PTPRK: variants seen among roughly 807,000 people sequenced by gnomAD.
PTPRK encodes protein tyrosine phosphatase receptor type K.
In PTPRK, 75 loss-of-function variants were observed where a neutral mutation model predicts 178.0. That is an observed-to-expected ratio of 0.42 (90% CI 0.35 to 0.51). The LOEUF is 0.51. Among genes scored for constraint, PTPRK ranks in the 20% least tolerant of loss-of-function variants. The pLI is 0.02. For missense variants in PTPRK, 1,441 were observed against 1,797.8 expected (o/e 0.80, Z 3.59); for synonymous variants, 637 against 620.6 (o/e 1.03, Z -0.39).
At chr6:128,201,548 T>A (rs1235701625) in intron 6 of PTPRK, among the ~76,000 whole-genome samples, 2 of 152,146 alleles carry the variant, frequency 1.3e-5, no homozygotes, top group African/African-American at 4.8e-5. Flanking sequence ...TGTTCCTGTA[T>A]TGAGAATCTA....
At chr6:128,351,578 C>A (rs534649539) in intron 2 of PTPRK, among the ~76,000 whole-genome samples, 39 of 152,198 alleles carry the variant, frequency 2.6e-4, no homozygotes, top group Non-Finnish European at 4.9e-4. Flanking sequence ...TTAAAATGTA[C>A]CCCAGAGTTT....
intron 3 of PTPRK, among the ~76,000 whole-genome samples, chr6:128,314,196 TTTTTAAA>T (rs1827672176): frequency 6.6e-6 from 1 of 152,186 alleles, no homozygotes; most frequent in South Asian, 2.1e-4. Flanking sequence ...GCTTTCATAT[TTTTTAAA>T]TTTTAATTAT....
At chr6:128,514,544 G>A (rs1857666234) in intron 1 of PTPRK, among the ~76,000 whole-genome samples, 1 of 152,166 alleles carries the variant, frequency 6.6e-6, no homozygotes, top group South Asian at 2.1e-4. Flanking sequence ...ACACCTGTTG[G>A]AGGATTCAGC....
chr6:128,416,046 TAC>T (rs2128382667), intron 1 of PTPRK, among the ~76,000 whole-genome samples: 1 of 152,150 alleles, frequency 6.6e-6, no homozygotes, highest in East Asian at 1.9e-4. Context: ...ATCTGGGGAA[TAC>T]AGAGATGAAA....
intron 7 of PTPRK, among the ~76,000 whole-genome samples, chr6:128,171,398 G>T (rs1471043903): frequency 6.6e-6 from 1 of 151,962 alleles, no homozygotes; most frequent in Non-Finnish European, 1.5e-5. Context: ...TTAACAGTAG[G>T]TAGTAATGGA....
At chr6:128,134,071 G>A (rs1794661477) in intron 7 of PTPRK, among the ~76,000 whole-genome samples, 1 of 151,942 alleles carries the variant, frequency 6.6e-6, no homozygotes, top group East Asian at 1.9e-4. Context: ...TACTATTATT[G>A]CAATATCAAA....
At chr6:128,464,642 T>TAC (rs1434720523) in intron 1 of PTPRK, among the ~76,000 whole-genome samples, 108 of 74,922 alleles carry the variant, frequency 1.4e-3, no homozygotes, top group Admixed American at 3.3e-3. Context: ...TATACACATA[T>TAC]ATATATATAT....
intron 1 of PTPRK, among the ~76,000 whole-genome samples, chr6:128,483,022 A>G (rs935856709): frequency 6.6e-6 from 1 of 152,186 alleles, no homozygotes; most frequent in Non-Finnish European, 1.5e-5. Context: ...TCTTAATAAA[A>G]TAAAATTATA....
chr6:128,216,912 A>G (rs968825337), intron 6 of PTPRK, among the ~76,000 whole-genome samples: 10 of 152,198 alleles, frequency 6.6e-5, no homozygotes, highest in Non-Finnish European at 1.0e-4. Context: ...ATAGATAACT[A>G]TATAGAACAT....
chr6:128,009,112 G>A lies in PTPRK; in HGVS notation c.2333+18C>T. On this transcript the variant is annotated intron_variant, in intron 14 of 29. Transcript: ENST00000368226. ...CATAAATGGTAAGTGAGTGGGACAG[G>A]ACAATATTAGGCCTTACCTCTTTTT... is the stretch of plus-strand genomic sequence containing the variant. 1 of 1,604,864 alleles carries A rather than the reference G, an allele frequency of 6.2e-7. No homozygotes were observed. Among genetic ancestry groups the A allele is most frequent in the Non-Finnish European group, 8.5e-7 (1 of 1,173,656 alleles).
At chr6:128,048,420 C>T (rs1335452853) in intron 13 of PTPRK, among the ~76,000 whole-genome samples, 2 of 152,154 alleles carry the variant, frequency 1.3e-5, no homozygotes, top group Non-Finnish European at 2.9e-5. Context: ...CCTCAAGGTT[C>T]CGCATATGTT....
At chr6:128,161,164 G>C (rs548917584) in intron 7 of PTPRK, among the ~76,000 whole-genome samples, 3 of 151,776 alleles carry the variant, frequency 2.0e-5, no homozygotes, top group African/African-American at 7.2e-5. Flanking sequence ...CTTATATTTT[G>C]AAACAATTTG....
chr6:128,483,497 T>A (rs1258003909), intron 1 of PTPRK, among the ~76,000 whole-genome samples: 1 of 152,134 alleles, frequency 6.6e-6, no homozygotes, highest in African/African-American at 2.4e-5. Context: ...ATATTATAAA[T>A]TTGCATAGGT....
At chr6:128,333,905 A>G (rs1830585234) in intron 2 of PTPRK, among the ~76,000 whole-genome samples, 1 of 152,192 alleles carries the variant, frequency 6.6e-6, no homozygotes, top group African/African-American at 2.4e-5. Context: ...TTAAAGTGAG[A>G]GACCTGCAGT....
chr6:128,245,874 C>G (rs4140541), intron 3 of PTPRK, among the ~76,000 whole-genome samples: 1 of 151,990 alleles, frequency 6.6e-6, no homozygotes, highest in African/African-American at 2.4e-5. Flanking sequence ...GTGAAAAAAA[C>G]CCTGTATTAT....
intron 7 of PTPRK, among the ~76,000 whole-genome samples, chr6:128,182,127 C>T (rs1324401374): frequency 6.6e-6 from 1 of 151,978 alleles, no homozygotes. Context: ...GTTTTAAAAA[C>T]AAATAAACTT....
intron 7 of PTPRK, among the ~76,000 whole-genome samples, chr6:128,140,331 T>C (rs1384925193): frequency 1.3e-5 from 2 of 152,044 alleles, no homozygotes; most frequent in South Asian, 2.1e-4. Context: ...TAAAAAAATA[T>C]ATAAACATTA....
At chr6:128,261,037 T>C (rs1818102069) in intron 3 of PTPRK, among the ~76,000 whole-genome samples, 1 of 152,164 alleles carries the variant, frequency 6.6e-6, no homozygotes, top group African/African-American at 2.4e-5. Flanking sequence ...TAGTTTCTGT[T>C]TTACCCCTCT....
intron 3 of PTPRK, among the ~76,000 whole-genome samples, chr6:128,259,499 C>T (rs1160054070): frequency 6.6e-6 from 1 of 152,132 alleles, no homozygotes; most frequent in Non-Finnish European, 1.5e-5. Context: ...TATGCACATA[C>T]ATACATGCAT....
Sources: gnomAD v4.1 joint callset for allele counts (sites outside exome capture counted in the v4.1 genomes callset) on GRCh38, gnomAD v4.1.1 for gene constraint, MANE v1.5 for transcripts, NCBI Gene and HGNC (gene_info 2026-07-23, HGNC 2026-07-21) for gene names.